Variants in OCRL observed in about 807,000 individuals in gnomAD.
The protein encoded by OCRL is inositol polyphosphate 5-phosphatase OCRL.
OCRL carries 8 observed loss-of-function variants against 78.9 expected under a neutral mutation model. That is an observed-to-expected ratio of 0.10 (90% CI 0.06 to 0.18). The LOEUF is 0.18. Ranked by LOEUF, OCRL falls within the 10% of genes least tolerant of loss-of-function variation. OCRL has a pLI of 1.00. For missense variants in OCRL, 454 were observed against 696.7 expected, an observed-to-expected ratio of 0.65 and a Z score of 3.92; for synonymous variants, 240 against 235.4, an observed-to-expected ratio of 1.02 and a Z score of -0.18.
intron 18 of OCRL, among the ~76,000 whole-genome samples, chrX:129,578,847 A>G (rs1425320228): frequency 9.0e-6 from 1 of 110,917 alleles, no homozygotes; most frequent in African/African-American, 3.3e-5. Flanking sequence ...AGTTTTTATT[A>G]AATTGTATGT....
chrX:129,540,509 C>A, intron 1 of OCRL, 31 bp downstream of exon 1: 1 of 1,135,639 alleles, frequency 8.8e-7, no homozygotes, highest in Admixed American at 2.6e-5. Flanking sequence ...AGAGGGGAGG[C>A]CGCGCAGGGC....
chrX:129,570,414 G>A (rs1456985333), intron 15 of OCRL, among the ~76,000 whole-genome samples: 1 of 111,688 alleles, frequency 9.0e-6, no homozygotes, highest in Non-Finnish European at 1.9e-5. Context: ...TAATGAGTTC[G>A]GACATGTGAA....
At chrX:129,560,478 C>T (rs1936130493) in intron 8 of OCRL, 72 bp from the exon 9 acceptor site, 3 of 678,391 alleles carry the variant, frequency 4.4e-6, no homozygotes, top group South Asian at 2.2e-5. Flanking sequence ...TGTATGGAAG[C>T]GAAAAGAAAG....
At chrX:129,541,080 C>G (rs1424930814) in intron 2 of OCRL, among the ~76,000 whole-genome samples, 1 of 112,016 alleles carries the variant, frequency 8.9e-6, no homozygotes, top group East Asian at 2.8e-4. Flanking sequence ...TAGTTCCTGC[C>G]CCTGCAACTG....
At chrX:129,577,566 G>A (rs1324542509) in intron 18 of OCRL, among the ~76,000 whole-genome samples, 1 of 111,816 alleles carries the variant, frequency 8.9e-6, no homozygotes, top group Non-Finnish European at 1.9e-5. Flanking sequence ...GCCAGAGCGA[G>A]TGATTGTATC....
At chrX:129,564,340 A>G (rs1370319732) in intron 12 of OCRL, among the ~76,000 whole-genome samples, 2 of 109,837 alleles carry the variant, frequency 1.8e-5, no homozygotes. Flanking sequence ...AGAACTAGAA[A>G]TACCATTTGA....
At chrX:129,568,811 A>G (rs1421497212) in intron 14 of OCRL, among the ~76,000 whole-genome samples, 3 of 112,572 alleles carry the variant, frequency 2.7e-5, no homozygotes, top group Admixed American at 1.9e-4. Context: ...GTCTAGGAAG[A>G]GAAGATTGGA....
intron 4 of OCRL, among the ~76,000 whole-genome samples, 171 bp downstream of exon 4, chrX:129,548,772 C>A (rs959701621): frequency 8.1e-5 from 9 of 111,801 alleles, no homozygotes; most frequent in Non-Finnish European, 1.5e-4. Flanking sequence ...GTAGGCTAAG[C>A]CTAAGAAAAA....
chrX:129,546,807 G>A (rs1935884562), intron 3 of OCRL, among the ~76,000 whole-genome samples: 1 of 112,142 alleles, frequency 8.9e-6, no homozygotes, highest in African/African-American at 3.2e-5. Context: ...TTAGATCGTA[G>A]TGCTGCTTCT....
intron 15 of OCRL, among the ~76,000 whole-genome samples, chrX:129,572,605 G>A (rs2059158126): frequency 8.9e-6 from 1 of 112,568 alleles, no homozygotes; most frequent in African/African-American, 3.2e-5. Flanking sequence ...CAAGTGCACC[G>A]TGGCCAATTA....
intron 18 of OCRL, among the ~76,000 whole-genome samples, chrX:129,581,165 A>G (rs1339538740): frequency 8.9e-6 from 1 of 112,584 alleles, no homozygotes; most frequent in Non-Finnish European, 1.9e-5. Context: ...GTGCCCGGCT[A>G]TGCTTTTTAT....
In OCRL at chrX:129,540,842, C is replaced by G; in HGVS notation, c.119+19C>G. 8.6e-7 allele frequency: 1 copy of G among 1,169,139 alleles called. No homozygotes were observed. The highest frequency in any genetic ancestry group is 1.2e-6 in the Non-Finnish European group (1 of 856,524). ...AATATGAGTAAGTAACCACCTGATT[C>G]CCACAGAGGAGGGGAGCCTGCCATT... On this transcript the variant is annotated intron_variant, in intron 2 of 23. Transcript: ENST00000371113.
chrX:129,573,461 A>G (rs980023627), intron 15 of OCRL, among the ~76,000 whole-genome samples: 6 of 111,677 alleles, frequency 5.4e-5, no homozygotes, highest in Non-Finnish European at 7.5e-5. Flanking sequence ...ACTCCCACCT[A>G]TAAGTGAGAA....
chrX:129,571,307 A>G (rs5977108), intron 15 of OCRL, among the ~76,000 whole-genome samples: 22,464 of 106,143 alleles, frequency 0.21, 4,379 homozygotes, highest in East Asian at 0.74. Flanking sequence ...TTTTTTGTTT[A>G]CATTTCTTTT....
At chrX:129,560,455 G>A (rs1234801328) in intron 8 of OCRL, 95 bp from the exon 9 acceptor site, 4 of 546,145 alleles carry the variant, frequency 7.3e-6, no homozygotes, top group South Asian at 4.9e-5. Context: ...TTAGCATATT[G>A]TGAACATACC....
intron 14 of OCRL, among the ~76,000 whole-genome samples, chrX:129,568,725 G>A (rs767831110): frequency 8.9e-6 from 1 of 112,409 alleles, no homozygotes; most frequent in Non-Finnish European, 1.9e-5. Context: ...TCTATTAGAA[G>A]AAGCTAGACT....
In OCRL at chrX:129,589,972, G is replaced by A; in HGVS notation, c.2581+16G>A. ...AACATGATCGGTAAGAGTGCTTCAT[G>A]CAACACGGGGCGTTTGTTGAGAATA... On this transcript the variant is annotated intron_variant, in intron 23 of 23. Transcript: ENST00000371113. The A allele has an allele frequency of 9.5e-6, 11 of 1,152,106 alleles. No individual in the cohort carries two copies. Among genetic ancestry groups the A allele is most frequent in the Non-Finnish European group, 1.2e-5 (10 of 841,075 alleles). 94.9% of individuals were successfully genotyped at this position (1,152,106 alleles called of 1,213,427 possible). A position where few individuals can be genotyped will look rare whatever the true frequency, so the allele number is the denominator to read the frequency against.
intron 3 of OCRL, among the ~76,000 whole-genome samples, chrX:129,547,524 CAAAAA>C (rs1177506776): frequency 2.9e-5 from 1 of 34,993 alleles, no homozygotes; most frequent in South Asian, 1.6e-3. Context: ...GACTCCGTCT[CAAAAA>C]AAAAAAAAAA....
intron 8 of OCRL, among the ~76,000 whole-genome samples, 156 bp downstream of exon 8, chrX:129,559,157 C>T (rs1936107917): frequency 8.9e-6 from 1 of 112,237 alleles, no homozygotes; most frequent in Non-Finnish European, 1.9e-5. Flanking sequence ...TGGCCAATAA[C>T]ATGCATATCA....
Sources: gnomAD v4.1 joint callset for allele counts (sites outside exome capture counted in the v4.1 genomes callset) on GRCh38, gnomAD v4.1.1 for gene constraint, MANE v1.5 for transcripts, NCBI Gene and HGNC (gene_info 2026-07-23, HGNC 2026-07-21) for gene names.